Variants in RPGRIP1 observed in about 807,000 individuals in gnomAD.
RPGRIP1 encodes RPGR interacting protein 1.
Under a neutral mutation model 157.9 loss-of-function variants are expected in RPGRIP1, and 128 were observed. The observed-to-expected ratio is 0.81, with a 90% CI of 0.70 to 0.94. RPGRIP1 has a LOEUF of 0.94. Ranked by LOEUF, RPGRIP1 falls within the 40% of genes least tolerant of loss-of-function variation. RPGRIP1 has a pLI of 0.00. For missense variants in RPGRIP1, 1,486 were observed against 1,545.8 expected (o/e 0.96, Z 0.65); for synonymous variants, 554 against 571.6 (o/e 0.97, Z 0.44).
chr14:21,321,505 A>C (rs999599005), intron 13 of RPGRIP1, 103 bp downstream of exon 13: 2 of 1,508,364 alleles, frequency 1.3e-6, no homozygotes, highest in Non-Finnish European at 8.8e-7. Flanking sequence ...GGCTGATACC[A>C]GGTGATGTGC....
chr14:21,312,845 CT>C (rs929054668), intron 10 of RPGRIP1, among the ~76,000 whole-genome samples: 1 of 151,438 alleles, frequency 6.6e-6, no homozygotes, highest in Admixed American at 6.6e-5. Context: ...TTCCTTTTTT[CT>C]TTTTTTGAGA....
At chr14:21,317,475 T>C in intron 10 of RPGRIP1, 1 of 1,146,680 alleles carries the variant, frequency 8.7e-7, no homozygotes, top group Non-Finnish European at 1.2e-6. Context: ...CTCAGTCAGA[T>C]ATCTGAGACC....
intron 7 of RPGRIP1, among the ~76,000 whole-genome samples, chr14:21,308,437 A>C (rs1881406829): frequency 9.4e-6 from 1 of 106,192 alleles, no homozygotes; most frequent in Non-Finnish European, 2.0e-5. Flanking sequence ...TCCAAGGGTA[A>C]GTAAGAAAAA....
intron 11 of RPGRIP1, among the ~76,000 whole-genome samples, chr14:21,319,583 T>A (rs564415780): frequency 1.3e-5 from 2 of 151,636 alleles, no homozygotes; most frequent in African/African-American, 2.4e-5. Context: ...CACACACACA[T>A]TGGAACACAG....
chr14:21,306,545 A>G (rs1448797995), intron 6 of RPGRIP1, among the ~76,000 whole-genome samples: 1 of 142,506 alleles, frequency 7.0e-6, no homozygotes, highest in Non-Finnish European at 1.5e-5. Flanking sequence ...TGTAATCTCC[A>G]CCTCCCAGGT....
At chr14:21,280,284 C>T (rs924080890) in intron 1 of RPGRIP1, among the ~76,000 whole-genome samples, 125 bp downstream of exon 1, 13 of 144,910 alleles carry the variant, frequency 9.0e-5, no homozygotes, top group Non-Finnish European at 1.6e-4. Flanking sequence ...TACTCTGTCG[C>T]CCAGGCTGGA....
chr14:21,298,628 G>T (rs1880893818), intron 3 of RPGRIP1, among the ~76,000 whole-genome samples: 1 of 151,738 alleles, frequency 6.6e-6, no homozygotes, highest in Non-Finnish European at 1.5e-5. Flanking sequence ...CCCCAGGAGT[G>T]ATTAAGATCT....
At position 21,327,733 on chromosome 14, in the gene RPGRIP1, C is replaced by G. The variant is rs2139246200; in HGVS notation, c.2821C>G (p.Gln941Glu). 6.2e-7 allele frequency: 1 copy of G among 1,613,876 alleles called. No homozygotes were observed. The highest frequency in any genetic ancestry group is 8.5e-7 in the Non-Finnish European group (1 of 1,179,842). The part of the protein sequence containing the change: ...PPESFLKPEA[Q>E]TKGKDTKDSS... ...TGAGAGCTTCCTGAAACCAGAAGCT[C>G]AGACTAAGGGGAAGGATACCAAGGA... The change falls in exon 18 of 25, where the codon CAG becomes GAG. Residue 941 changes from glutamine (Q) to glutamate (E), a missense_variant. Physicochemically the swap from Gln to Glu is conservative, Grantham distance 29. Coordinates refer to ENST00000400017, the MANE Select transcript of RPGRIP1 (RefSeq NM_020366.4).
chr14:21,333,924 C>CTT (rs372543522), intron 20 of RPGRIP1, among the ~76,000 whole-genome samples: 6,486 of 130,386 alleles, frequency 0.05, 392 homozygotes, highest in African/African-American at 0.13. Context: ...TTGAGGCCAC[C>CTT]TTTTTTTTTT....
intron 1 of RPGRIP1, among the ~76,000 whole-genome samples, chr14:21,280,653 A>C (rs1255522751): frequency 6.6e-6 from 1 of 152,078 alleles, no homozygotes; most frequent in Non-Finnish European, 1.5e-5. Flanking sequence ...ACGTCCAACC[A>C]GTTGTCACAT....
In RPGRIP1 at chr14:21,303,339, G is replaced by T; in HGVS notation, c.596G>T (p.Gly199Val). 2 of 1,611,620 alleles carry T rather than the reference G, an allele frequency of 1.2e-6. No homozygotes were observed. Among genetic ancestry groups the T allele is most frequent in the Non-Finnish European group, 1.7e-6 (2 of 1,178,500 alleles). Reference protein sequence around the residue: ...VASKPSELVSGSNSIISFSSV... With the variant: ...VASKPSELVSVSNSIISFSSV... ...ATCCTTTTTGTATTTAGTGTTTCTG[G>T]TTCTAACAGCATAATTTCTTTCAGC... Residue 199 changes from glycine to valine, a missense_variant, in exon 6 of 25, where the codon GGT becomes GTT. Coordinates refer to ENST00000400017, the MANE Select transcript of RPGRIP1 (RefSeq NM_020366.4).
At chr14:21,347,114 A>G (rs1885644892) in intron 23 of RPGRIP1, among the ~76,000 whole-genome samples, 1 of 152,156 alleles carries the variant, frequency 6.6e-6, no homozygotes, top group South Asian at 2.1e-4. Flanking sequence ...ATTCCCTTAC[A>G]GTGATAATCA....
Position 21,294,707 on chromosome 14 carries a change from G to A in RPGRIP1, c.116G>A (p.Ser39Asn), listed in dbSNP as rs376435824. 41 of 1,613,478 alleles carry A rather than the reference G, an allele frequency of 2.5e-5. No individual in the cohort carries two copies. The highest frequency in any genetic ancestry group is 3.3e-5 in the Non-Finnish European group (39 of 1,179,690). Residue 39 changes from serine (S) to asparagine (N), a missense_variant, in exon 3 of 25, where the codon AGC (serine) becomes AAC (asparagine). Transcript: ENST00000400017. ...GKNMKTQPPL[S>N]RMNREELEDS... ...AATATGAAAACTCAACCACCCTTGA[G>A]CAGGATGAACCGGGAGGAATTGGAG...
rs542124593 is a variant in RPGRIP1, at chr14:21,317,364, T to C, written c.1152-332T>C. Among the ~76,000 whole-genome samples, 73 of 152,316 alleles carry C rather than the reference T, an allele frequency of 4.8e-4. 1 individual carries two copies. Among genetic ancestry groups the C allele is most frequent in the African/African-American group, 1.8e-3 (73 of 41,586 alleles). On this transcript the variant is annotated intron_variant, in intron 10 of 24. Transcript: ENST00000400017. ...GGAAGATTTTGTTCCTCATTTCTAA[T>C]CCGGCAGGCCTGAGAAGGTCTTGAT... is the stretch of plus-strand genomic sequence containing the variant.
chr14:21,280,373 A>G (rs1005688586), intron 1 of RPGRIP1, among the ~76,000 whole-genome samples: 2 of 144,976 alleles, frequency 1.4e-5, no homozygotes, highest in African/African-American at 5.2e-5. Context: ...CCTCCCAAGT[A>G]GCTGGGGACT....
chr14:21,302,861 TTGTG>T, intron 5 of RPGRIP1: 1 of 181,028 alleles, frequency 5.5e-6, no homozygotes. Context: ...AATTCCTTTG[TTGTG>T]TTTTTTTTTT....
chr14:21,286,758 G>A (rs1880314027), intron 1 of RPGRIP1, among the ~76,000 whole-genome samples: 1 of 152,038 alleles, frequency 6.6e-6, no homozygotes, highest in Non-Finnish European at 1.5e-5. Context: ...TTACACCACT[G>A]CACTCCAGCC....
intron 6 of RPGRIP1, among the ~76,000 whole-genome samples, chr14:21,304,334 AGAAG>A (rs1250011170): frequency 1.4e-5 from 2 of 145,746 alleles, no homozygotes; most frequent in South Asian, 2.4e-4. Flanking sequence ...AAAAGAGGAA[AGAAG>A]GAAGGAGGGA....
In RPGRIP1 at chr14:21,318,840, CT is replaced by C. The variant is rs34157462; in HGVS notation, c.1306+1004del. Reference sequence around the variant, plus strand: ...CATCATTTTAGAGGTAACTGGAATACTTTTTTTTTTTTTTGCCATCCAATTC... The same window carrying C: ...CATCATTTTAGAGGTAACTGGAATACTTTTTTTTTTTTTGCCATCCAATTC... On this transcript the variant is annotated intron_variant, in intron 11 of 24. Coordinates refer to ENST00000400017, the MANE Select transcript of RPGRIP1 (RefSeq NM_020366.4). Among the ~76,000 whole-genome samples, 1,383 of 142,804 alleles carry C rather than the reference CT, an allele frequency of 9.7e-3. 5 individuals carry two copies. The highest frequency in any genetic ancestry group is 0.018 in the African/African-American group (689 of 39,288). The allele number at this position is 142,804 out of a possible 152,430, so 93.7% of individuals were successfully genotyped here. A position where few individuals can be genotyped will look rare whatever the true frequency, so the allele number is the denominator to read the frequency against.
Sources: gnomAD v4.1 joint callset for allele counts (sites outside exome capture counted in the v4.1 genomes callset) on GRCh38, gnomAD v4.1.1 for gene constraint, MANE v1.5 for transcripts, NCBI Gene and HGNC (gene_info 2026-07-23, HGNC 2026-07-21) for gene names.